SPOCK1: variants seen among roughly 807,000 people sequenced by gnomAD.
The protein encoded by SPOCK1 is SPARC (osteonectin), cwcv and kazal like domains proteoglycan 1, also known as testican-1.
A neutral mutation model predicts 55.3 loss-of-function variants in SPOCK1; 23 were observed. That is an observed-to-expected ratio of 0.42 (90% CI 0.30 to 0.59). SPOCK1 has a LOEUF of 0.59. Ranked by LOEUF, SPOCK1 falls within the 20% of genes least tolerant of loss-of-function variation. The pLI is 0.22. For synonymous variants in SPOCK1, 226 were observed against 221.0 expected, an observed-to-expected ratio of 1.02 and a Z score of -0.20; for missense variants, 499 against 552.5, an observed-to-expected ratio of 0.90 and a Z score of 0.97.
chr5:136,986,806 T>C (rs1750851382), intron 8 of SPOCK1, among the ~76,000 whole-genome samples: 1 of 152,186 alleles, frequency 6.6e-6, no homozygotes, highest in Admixed American at 6.5e-5. Flanking sequence ...GATCCTGTTC[T>C]AAAACAAAAT....
At chr5:137,462,111 G>T (rs1753500783) in intron 2 of SPOCK1, among the ~76,000 whole-genome samples, 2 of 152,238 alleles carry the variant, frequency 1.3e-5, no homozygotes, top group Non-Finnish European at 2.9e-5. Context: ...AGAGGAAGTG[G>T]GAAGGTCCTG....
chr5:137,174,002 G>C (rs1188721858), intron 3 of SPOCK1, among the ~76,000 whole-genome samples: 1 of 152,208 alleles, frequency 6.6e-6, no homozygotes, highest in Non-Finnish European at 1.5e-5. Flanking sequence ...TGCAACTGAT[G>C]AAAGGCAGAG....
chr5:137,118,413 G>T (rs945557634), intron 4 of SPOCK1, among the ~76,000 whole-genome samples: 1 of 152,082 alleles, frequency 6.6e-6, no homozygotes, highest in Non-Finnish European at 1.5e-5. Context: ...CTTCAACTCC[G>T]CACGTCAGTG....
chr5:137,159,948 G>A (rs1754492836), intron 3 of SPOCK1, among the ~76,000 whole-genome samples: 1 of 152,030 alleles, frequency 6.6e-6, no homozygotes, highest in African/African-American at 2.4e-5. Context: ...TTACCTTGGT[G>A]AACATAAGGA....
chr5:137,069,112 C>CCA (rs1277803426), intron 5 of SPOCK1, among the ~76,000 whole-genome samples: 12 of 152,342 alleles, frequency 7.9e-5, no homozygotes, highest in Admixed American at 4.6e-4. Flanking sequence ...ATTTGCAAAG[C>CCA]CACACACGAG....
rs1166840788 is a variant in SPOCK1 at position 137,303,708 on chromosome 5, G to T, written c.187-36653C>A. On this transcript the variant is annotated intron_variant, in intron 2 of 10. Transcript: ENST00000394945. ...AAGGCTTCAGGAGGAGGGGAGGTTT[G>T]GTTTGGTTCCTAGGGAACCTAGGAG... Among the ~76,000 whole-genome samples, 4 of 152,306 alleles carry T rather than the reference G, an allele frequency of 2.6e-5. No individual in the cohort carries two copies. The South Asian group carries it at 6.2e-4, about 24-fold the overall frequency.
At chr5:136,984,181 T>C (rs1255390281) in intron 9 of SPOCK1, among the ~76,000 whole-genome samples, 1 of 152,166 alleles carries the variant, frequency 6.6e-6, no homozygotes, top group Non-Finnish European at 1.5e-5. Context: ...TCCTGACAAC[T>C]TTGGGGAAGT....
At chr5:137,278,372 A>T (rs1580843799) in intron 2 of SPOCK1, among the ~76,000 whole-genome samples, 1 of 152,324 alleles carries the variant, frequency 6.6e-6, no homozygotes, top group East Asian at 1.9e-4. Flanking sequence ...TTTGGAAGTG[A>T]CATTTTCCCC....
intron 5 of SPOCK1, among the ~76,000 whole-genome samples, chr5:137,083,717 T>G (rs1195612743): frequency 6.6e-6 from 1 of 152,136 alleles, no homozygotes; most frequent in Non-Finnish European, 1.5e-5. Context: ...ACTGAATACT[T>G]GCTATGTGAG....
At chr5:136,984,038 T>C (rs934450657) in intron 9 of SPOCK1, among the ~76,000 whole-genome samples, 3 of 152,064 alleles carry the variant, frequency 2.0e-5, no homozygotes, top group Non-Finnish European at 4.4e-5. Flanking sequence ...AGAAATGAGA[T>C]CAATAAACAA....
intron 2 of SPOCK1, among the ~76,000 whole-genome samples, chr5:137,482,395 T>C (rs1351642524): frequency 1.3e-5 from 2 of 152,204 alleles, no homozygotes; most frequent in Admixed American, 1.3e-4. Context: ...CACTTTGTTA[T>C]GGACCATGTC....
chr5:137,468,868 TC>T (rs201107771), intron 2 of SPOCK1, among the ~76,000 whole-genome samples: 1,579 of 151,846 alleles, frequency 0.01, 13 homozygotes, highest in Middle Eastern at 0.02. Flanking sequence ...GAAGGGCCGT[TC>T]CCCCCAACTC....
At chr5:137,488,222 C>G (rs1190894324) in intron 2 of SPOCK1, among the ~76,000 whole-genome samples, 1 of 152,044 alleles carries the variant, frequency 6.6e-6, no homozygotes, top group African/African-American at 2.4e-5. Context: ...ACTAAAAATA[C>G]AAAAATTAGC....
chr5:137,164,412 A>T (rs1754611354), intron 3 of SPOCK1, among the ~76,000 whole-genome samples: 1 of 152,102 alleles, frequency 6.6e-6, no homozygotes, highest in African/African-American at 2.4e-5. Context: ...CTGAATATAG[A>T]GCCCTTGGAT....
chr5:137,147,935 GGTAAA>G (rs1361742304), intron 3 of SPOCK1, among the ~76,000 whole-genome samples: 1 of 152,122 alleles, frequency 6.6e-6, no homozygotes, highest in African/African-American at 2.4e-5. Flanking sequence ...AATTTGAAAC[GGTAAA>G]GTAACTTCCC....
At chr5:137,476,190 C>CA (rs1753834942) in intron 2 of SPOCK1, among the ~76,000 whole-genome samples, 1 of 152,016 alleles carries the variant, frequency 6.6e-6, no homozygotes, top group African/African-American at 2.4e-5. Flanking sequence ...TCCTTCCTCC[C>CA]ACCCTCCACT....
At chr5:137,303,247 A>T (rs1251733370) in intron 2 of SPOCK1, among the ~76,000 whole-genome samples, 2 of 152,232 alleles carry the variant, frequency 1.3e-5, no homozygotes, top group East Asian at 3.9e-4. Context: ...TGATTTACAG[A>T]ATGCCTATGA....
intron 6 of SPOCK1, among the ~76,000 whole-genome samples, chr5:137,025,436 T>C (rs1751657414): frequency 6.6e-6 from 1 of 152,178 alleles, no homozygotes; most frequent in South Asian, 2.1e-4. Context: ...CCTCTGCCCA[T>C]ATCACTCCCT....
At chr5:137,460,444 C>T (rs918371000) in intron 2 of SPOCK1, among the ~76,000 whole-genome samples, 1 of 152,124 alleles carries the variant, frequency 6.6e-6, no homozygotes, top group African/African-American at 2.4e-5. Context: ...CACAGAAGAG[C>T]CAAGGAGTAA....
Sources: gnomAD v4.1 joint callset for allele counts (sites outside exome capture counted in the v4.1 genomes callset) on GRCh38, gnomAD v4.1.1 for gene constraint, MANE v1.5 for transcripts, NCBI Gene and HGNC (gene_info 2026-07-23, HGNC 2026-07-21) for gene names.